The following NFXL1 variants were observed in gnomAD, a reference collection of about 807,000 sequenced individuals.
NFXL1 encodes the protein nuclear transcription factor, X-box binding like 1.
NFXL1 carries 66 observed loss-of-function variants against 123.3 expected under a neutral mutation model. The observed-to-expected ratio is 0.54, with a 90% CI of 0.44 to 0.66. NFXL1 has a LOEUF of 0.66. Among genes scored for constraint, NFXL1 ranks in the 30% least tolerant of loss-of-function variants. NFXL1 has a pLI of 0.00. For missense variants in NFXL1, 944 were observed against 1,125.6 expected (o/e 0.84, Z 2.31); for synonymous variants, 346 against 360.8 (o/e 0.96, Z 0.46).
chr4:47,888,180 A>G (rs1736557922), intron 12 of NFXL1, among the ~76,000 whole-genome samples: 1 of 152,204 alleles, frequency 6.6e-6, no homozygotes, highest in Non-Finnish European at 1.5e-5. Flanking sequence ...AGGCTGAGGC[A>G]GGAGAATCAC....
At chr4:47,901,609 A>C (rs1382655981) in intron 5 of NFXL1, among the ~76,000 whole-genome samples, 1 of 152,234 alleles carries the variant, frequency 6.6e-6, no homozygotes, top group African/African-American at 2.4e-5. Flanking sequence ...AGTTTCCAAA[A>C]AGTGTGTATT....
At chr4:47,849,951 T>TA (rs1734026468) in intron 22 of NFXL1, among the ~76,000 whole-genome samples, 1 of 111,092 alleles carries the variant, frequency 9.0e-6, no homozygotes, top group South Asian at 3.2e-4. Context: ...GCGTATTATT[T>TA]ATTTTTTTTT....
intron 19 of NFXL1, among the ~76,000 whole-genome samples, chr4:47,855,470 T>A (rs73141951): frequency 1.4e-4 from 22 of 152,000 alleles, no homozygotes; most frequent in African/African-American, 5.1e-4. Context: ...CAATGGAATG[T>A]AAGCAAGTAC....
intron 18 of NFXL1, among the ~76,000 whole-genome samples, chr4:47,866,586 A>G (rs1735090505): frequency 6.6e-6 from 1 of 152,232 alleles, no homozygotes; most frequent in Non-Finnish European, 1.5e-5. Context: ...CTGGAACATA[A>G]TATTCCAAAC....
intron 12 of NFXL1, among the ~76,000 whole-genome samples, chr4:47,886,362 G>A (rs1000757581): frequency 4.0e-5 from 6 of 151,722 alleles, no homozygotes; most frequent in Admixed American, 3.9e-4. Flanking sequence ...CTTTTTATTT[G>A]TAATACTTTT....
At chr4:47,893,349 G>A (rs1180702507) in intron 11 of NFXL1, among the ~76,000 whole-genome samples, 2 of 151,894 alleles carry the variant, frequency 1.3e-5, no homozygotes, top group Non-Finnish European at 2.9e-5. Flanking sequence ...TAAGCAGCTC[G>A]ATGAAAACTA....
chr4:47,899,666 T>C, intron 5 of NFXL1, 118 bp from the exon 6 acceptor site: 1 of 643,224 alleles, frequency 1.6e-6, no homozygotes, highest in Non-Finnish European at 2.7e-6. Context: ...GGAACTCTGC[T>C]CCATCTTTGT....
Position 47,910,953 on chromosome 4 carries a change from TA to T in NFXL1, c.276del (p.Asn93ThrfsTer37). 1 of 1,608,350 alleles carries T rather than the reference TA, an allele frequency of 6.2e-7. No homozygotes were observed. Among genetic ancestry groups the T allele is most frequent in the Non-Finnish European group, 8.5e-7 (1 of 1,177,946 alleles). On this transcript the variant is annotated frameshift_variant, in exon 3 of 23. Transcript: ENST00000507489. LOFTEE classifies it high-confidence loss of function. ...SQKKFEEIKK[A>X]NQAAARKLVE... ...ACAAGTTTTCTGGCTGCAGCTTGGTTAGCTTTCTTGATTTCTTCAAATTTTT... is the reference window on the plus strand; with the variant it reads ...ACAAGTTTTCTGGCTGCAGCTTGGTTGCTTTCTTGATTTCTTCAAATTTTT...
At position 47,871,285 on chromosome 4, in the gene NFXL1, G is replaced by A. The variant is rs923871070; in HGVS notation, c.2246+3842C>T. Among the ~76,000 whole-genome samples the A allele has an allele frequency of 5.3e-5, 8 of 151,770 alleles. No individual in the cohort carries two copies. In the South Asian group the frequency reaches 6.2e-4, roughly 12 times the overall value. On this transcript the variant is annotated intron_variant, in intron 18 of 22. Coordinates refer to ENST00000507489, the MANE Select transcript of NFXL1 (RefSeq NM_001278624.2). Reference sequence around the variant, plus strand: ...GGAGAATGGCGTGAACCTGGGAGGCGGAGCTTGCAGTGAGCAGATTATGCC... The same window carrying A: ...GGAGAATGGCGTGAACCTGGGAGGCAGAGCTTGCAGTGAGCAGATTATGCC...
chr4:47,875,094 A>C (rs745427822), intron 18 of NFXL1, 33 bp downstream of exon 18: 2 of 1,438,694 alleles, frequency 1.4e-6, no homozygotes, highest in Non-Finnish European at 1.9e-6. Context: ...AACTAATTGT[A>C]ATAAAATAAG....
rs1265946306 is a variant in NFXL1 at position 47,847,454 on chromosome 4, T to C, written c.*709A>G. On this transcript the variant is annotated 3_prime_UTR_variant, in exon 23 of 23. Coordinates refer to ENST00000507489, the MANE Select transcript of NFXL1 (RefSeq NM_001278624.2). ...CCTCATAAGCCCTGTTGTCAGCACA[T>C]ATTCTTCATAAATACTCATCTTCCT... is the stretch of plus-strand genomic sequence containing the variant. The C allele has an allele frequency of 6.6e-6, 1 of 152,216 alleles. No homozygotes were observed. Among genetic ancestry groups the C allele is most frequent in the Admixed American group, 6.5e-5 (1 of 15,276 alleles). 9.4% of individuals were successfully genotyped at this position (152,216 alleles called of 1,614,324 possible).
intron 12 of NFXL1, among the ~76,000 whole-genome samples, chr4:47,889,025 A>C (rs1736616379): frequency 6.6e-6 from 1 of 152,220 alleles, no homozygotes; most frequent in Non-Finnish European, 1.5e-5. Context: ...AAATGCTTCC[A>C]ACACTTCTCC....
At chr4:47,895,237 A>G (rs890935805) in intron 10 of NFXL1, among the ~76,000 whole-genome samples, 7 of 152,160 alleles carry the variant, frequency 4.6e-5, no homozygotes, top group Admixed American at 2.0e-4. Flanking sequence ...AGCAAAATTC[A>G]AAAGATCCCT....
At position 47,885,862 on chromosome 4, in the gene NFXL1, C is replaced by T; in HGVS notation, c.1664+17G>A. The T allele has an allele frequency of 1.2e-6, 2 of 1,600,554 alleles. No homozygotes were observed. Among genetic ancestry groups the T allele is most frequent in the Non-Finnish European group, 1.7e-6 (2 of 1,175,984 alleles). On this transcript the variant is annotated intron_variant, in intron 13 of 22. Coordinates refer to ENST00000507489, the MANE Select transcript of NFXL1 (RefSeq NM_001278624.2). ...GTACAACATCAGATGGAAGCTTGTGCAAAGCTTCAAACTCACCTGCATTGC... is the reference window on the plus strand; with the variant it reads ...GTACAACATCAGATGGAAGCTTGTGTAAAGCTTCAAACTCACCTGCATTGC...
chr4:47,849,500 T>G (rs1282312641), intron 22 of NFXL1, among the ~76,000 whole-genome samples: 1 of 152,208 alleles, frequency 6.6e-6, no homozygotes, highest in Non-Finnish European at 1.5e-5. Context: ...TATCCATTAC[T>G]GTGGTCATAA....
intron 19 of NFXL1, among the ~76,000 whole-genome samples, chr4:47,855,606 C>G (rs948830628): frequency 6.6e-6 from 1 of 151,936 alleles, no homozygotes; most frequent in African/African-American, 2.4e-5. Flanking sequence ...GAGCTGCCAG[C>G]TGACTTGGAT....
intron 2 of NFXL1, 31 bp from the exon 3 acceptor site, chr4:47,911,025 A>C: frequency 7.5e-7 from 1 of 1,341,568 alleles, no homozygotes; most frequent in Non-Finnish European, 1.0e-6. Flanking sequence ...TCATTTCTGC[A>C]AAACAATCTC....
chr4:47,860,420 A>C (rs1450101120), intron 19 of NFXL1, among the ~76,000 whole-genome samples: 1 of 152,254 alleles, frequency 6.6e-6, no homozygotes, highest in African/African-American at 2.4e-5. Flanking sequence ...AGTTAAATTC[A>C]AACCTAATAA....
intron 19 of NFXL1, among the ~76,000 whole-genome samples, chr4:47,861,017 T>C (rs2110041990): frequency 1.3e-5 from 1 of 74,124 alleles, no homozygotes. Context: ...CACGTCAGGC[T>C]ATTTTTTTTT....
Sources: gnomAD v4.1 joint callset for allele counts (sites outside exome capture counted in the v4.1 genomes callset) on GRCh38, gnomAD v4.1.1 for gene constraint, MANE v1.5 for transcripts, NCBI Gene and HGNC (gene_info 2026-07-23, HGNC 2026-07-21) for gene names.